ASB1: variants seen among roughly 807,000 people sequenced by gnomAD.
ASB1 encodes ankyrin repeat and SOCS box containing 1.
Under a neutral mutation model 27.7 loss-of-function variants are expected in ASB1, and 18 were observed. The ratio of observed to expected loss-of-function variants is 0.65; its 90% CI spans 0.45 to 0.96. ASB1 has a LOEUF of 0.96. ASB1 is among the 50% of genes least tolerant of loss of function. ASB1 has a pLI of 0.00. For missense variants in ASB1, 397 were observed against 451.7 expected, an observed-to-expected ratio of 0.88 and a Z score of 1.10; for synonymous variants, 189 against 187.6, an observed-to-expected ratio of 1.01 and a Z score of -0.06.
At position 238,435,957 on chromosome 2, in the gene ASB1, C is replaced by T; in HGVS notation, c.438C>T (p.Thr146=). The change falls in exon 3 of 5, where the codon ACC becomes ACT. Residue 146 remains threonine, a synonymous_variant. Transcript: ENST00000264607. Reference sequence around the variant, plus strand: ...ACGGAAGCCGGCACCATCGCAGCACCCCTGTCTACCACGCCTCTCGCGTGG... The same window carrying T: ...ACGGAAGCCGGCACCATCGCAGCACTCCTGTCTACCACGCCTCTCGCGTGG... The part of the protein sequence containing the change: ...DPNGSRHHRS[T]PVYHASRVGR... The T allele has an allele frequency of 6.2e-7, 1 of 1,614,134 alleles. No homozygotes were observed.
Position 238,448,782 on chromosome 2 carries a change from G to A in ASB1, c.*2271G>A, listed in dbSNP as rs367673856. The A allele has an allele frequency of 6.6e-6, 1 of 152,596 alleles. No individual in the cohort carries two copies. Among genetic ancestry groups the A allele is most frequent in the East Asian group, 1.9e-4 (1 of 5,192 alleles). The allele number at this position is 152,596 out of a possible 1,614,324, so 9.5% of individuals were successfully genotyped here. On this transcript the variant is annotated 3_prime_UTR_variant, in exon 5 of 5. Transcript: ENST00000264607. ...CAAGGACCCAGATGTGGCAGCATGGGCGTCATGCTCCTTTGCACAGCCCAG... is the reference window on the plus strand; with the variant it reads ...CAAGGACCCAGATGTGGCAGCATGGACGTCATGCTCCTTTGCACAGCCCAG...
At position 238,447,123 on chromosome 2, in the gene ASB1, C is replaced by T. The variant is rs566514638; in HGVS notation, c.*612C>T. ...GTTTCCTGGCTGCACGGCACCTGTT[C>T]CAACACCTACTGTGCCTCTCATCAG... On this transcript the variant is annotated 3_prime_UTR_variant, in exon 5 of 5. Coordinates refer to ENST00000264607, the MANE Select transcript of ASB1 (RefSeq NM_001040445.3). 1 of 154,186 alleles carries T rather than the reference C, an allele frequency of 6.5e-6. No homozygotes were observed. Among genetic ancestry groups the T allele is most frequent in the East Asian group, 1.9e-4 (1 of 5,172 alleles). The allele number at this position is 154,186 out of a possible 1,614,324, so 9.6% of individuals were successfully genotyped here. A position where few individuals can be genotyped will look rare whatever the true frequency, so the allele number is the denominator to read the frequency against.
intron 3 of ASB1, 146 bp downstream of exon 3, chr2:238,436,159 C>A: frequency 1.5e-6 from 1 of 650,372 alleles, no homozygotes; most frequent in South Asian, 3.2e-5. Context: ...TTGGCTTTAT[C>A]AGGTCTCTTT....
At chr2:238,433,468 G>A (rs1011637077) in intron 1 of ASB1, 86 bp from the exon 2 acceptor site, 1 of 1,517,330 alleles carries the variant, frequency 6.6e-7, no homozygotes, top group African/African-American at 1.4e-5. Context: ...GCTGGGAGAG[G>A]GAAGGCTCGC....
chr2:238,441,468 CT>C (rs891762661), intron 3 of ASB1, among the ~76,000 whole-genome samples: 3 of 152,174 alleles, frequency 2.0e-5, no homozygotes, highest in Non-Finnish European at 4.4e-5. Context: ...AGCTTGTATC[CT>C]TGTCTCCTTG....
At position 238,449,655 on chromosome 2, in the gene ASB1, T is replaced by C. The variant is rs1391119541; in HGVS notation, c.*3144T>C. On this transcript the variant is annotated 3_prime_UTR_variant, in exon 5 of 5. Transcript: ENST00000264607. The stretch of plus-strand genomic sequence containing the variant: ...TGCATCACTCGTGTTATTTATTTAT[T>C]TATTTATATTCTGCCTTGTTCCAGA... 1 of 152,220 alleles carries C rather than the reference T, an allele frequency of 6.6e-6. No individual in the cohort carries two copies. The highest frequency in any genetic ancestry group is 1.5e-5 in the Non-Finnish European group (1 of 68,040). The allele number at this position is 152,220 out of a possible 1,614,324, so 9.4% of individuals were successfully genotyped here.
intron 2 of ASB1, 67 bp from the exon 3 acceptor site, chr2:238,435,644 G>T: frequency 1.3e-6 from 2 of 1,488,720 alleles, no homozygotes; most frequent in Middle Eastern, 1.9e-4. Flanking sequence ...CCAGGGTGAG[G>T]GGGGCAGTGC....
intron 1 of ASB1, 103 bp downstream of exon 1, chr2:238,427,222 G>A (rs1260654013): frequency 1.1e-6 from 1 of 918,148 alleles, no homozygotes; most frequent in Non-Finnish European, 1.4e-6. Context: ...GGGCTGGCCG[G>A]GTCCACGGGG....
chr2:238,439,243 G>A lies in ASB1; in HGVS notation c.494+3230G>A, dbSNP rs193159106. ...GTCTTTGAGAGTGGGTGGTGTTTGT[G>A]TTTGTAGTGGAAGCTTCATTGTCAT... On this transcript the variant is annotated intron_variant, in intron 3 of 4. Coordinates refer to ENST00000264607, the MANE Select transcript of ASB1 (RefSeq NM_001040445.3). Among the ~76,000 whole-genome samples, 24 of 152,280 alleles carry A rather than the reference G, an allele frequency of 1.6e-4. 2 individuals carry two copies. Among genetic ancestry groups the A allele is most frequent in the Admixed American group, 1.5e-3 (23 of 15,288 alleles).
At chr2:238,434,021 C>G (rs1279908926) in intron 2 of ASB1, among the ~76,000 whole-genome samples, 1 of 152,214 alleles carries the variant, frequency 6.6e-6, no homozygotes, top group Admixed American at 6.5e-5. Flanking sequence ...GCGGCCCTGC[C>G]CCATCTTGGG....
At position 238,444,137 on chromosome 2, in the gene ASB1, G is replaced by A. The variant is rs558230122; in HGVS notation, c.495-205G>A. 4.6e-5 allele frequency among the ~76,000 whole-genome samples: 7 copies of A among 152,314 alleles called. No individual in the cohort carries two copies. In the East Asian group the frequency reaches 1.4e-3, roughly 29 times the overall value. ...AAGGACTTCCCTTAGGAATTTTTCTGTGTGCGGGGATTCCAAGTTCTTTCC... is the reference window on the plus strand; with the variant it reads ...AAGGACTTCCCTTAGGAATTTTTCTATGTGCGGGGATTCCAAGTTCTTTCC... On this transcript the variant is annotated intron_variant, in intron 3 of 4. Transcript: ENST00000264607.
At position 238,444,460 on chromosome 2, in the gene ASB1, C is replaced by T. The variant is rs751880368; in HGVS notation, c.613C>T (p.Leu205Phe). ...GTACATCAGCGCAGCCTACCACAAC[C>T]TCCAGTGCTTCCGGCTGCTCCTCCT... ...PLYISAAYHN[L>F]QCFRLLLLAG... The change falls in exon 4 of 5, where the codon CTC becomes TTC. Residue 205 changes from leucine to phenylalanine, a missense_variant. Leu to Phe is a conservative substitution (Grantham distance 22). Transcript: ENST00000264607. 6.2e-7 allele frequency: 1 copy of T among 1,614,240 alleles called. No homozygotes were observed. Among genetic ancestry groups the T allele is most frequent in the South Asian group, 1.1e-5 (1 of 91,088 alleles).
intron 1 of ASB1, among the ~76,000 whole-genome samples, chr2:238,431,417 C>T (rs536909509): frequency 1.3e-5 from 2 of 152,346 alleles, no homozygotes; most frequent in African/African-American, 2.4e-5. Flanking sequence ...CTGGTTTGAT[C>T]GTATCTCCAG....
At chr2:238,443,774 C>CA (rs1702123936) in intron 3 of ASB1, among the ~76,000 whole-genome samples, 1 of 149,066 alleles carries the variant, frequency 6.7e-6, no homozygotes, top group Non-Finnish European at 1.5e-5. Context: ...CAGAGATAAT[C>CA]AGAGGATTTC....
intron 3 of ASB1, among the ~76,000 whole-genome samples, chr2:238,442,823 A>G (rs1244354927): frequency 6.6e-6 from 1 of 152,218 alleles, no homozygotes; most frequent in Non-Finnish European, 1.5e-5. Flanking sequence ...TGTTTGAGAT[A>G]CTGCCTTTAT....
At chr2:238,442,287 T>A (rs987914857) in intron 3 of ASB1, among the ~76,000 whole-genome samples, 1 of 152,096 alleles carries the variant, frequency 6.6e-6, no homozygotes, top group African/African-American at 2.4e-5. Context: ...AATTTTTGTG[T>A]TTTTAGTAGA....
intron 4 of ASB1, 128 bp from the exon 5 acceptor site, chr2:238,446,256 C>CT: frequency 9.2e-7 from 1 of 1,086,018 alleles, no homozygotes; most frequent in African/African-American, 1.6e-5. Flanking sequence ...TTGTGTTTCA[C>CT]TGAGCGTTTT....
chr2:238,444,733 T>C lies in ASB1; in HGVS notation c.880+6T>C. Reference sequence around the variant, plus strand: ...GGTCTTTAAAGAGGCCAGAAGTAAGTGGCTTGAGTTCAGCTCTGACTTGTG... The same window carrying C: ...GGTCTTTAAAGAGGCCAGAAGTAAGCGGCTTGAGTTCAGCTCTGACTTGTG... On this transcript the variant is annotated splice_donor_region_variant and intron_variant, in intron 4 of 4. Coordinates refer to ENST00000264607, the MANE Select transcript of ASB1 (RefSeq NM_001040445.3). The C allele has an allele frequency of 6.3e-7, 1 of 1,598,274 alleles. No homozygotes were observed. Among genetic ancestry groups the C allele is most frequent in the Non-Finnish European group, 8.5e-7 (1 of 1,171,328 alleles).
At chr2:238,433,442 T>C (rs904331366) in intron 1 of ASB1, 112 bp from the exon 2 acceptor site, 2 of 1,302,942 alleles carry the variant, frequency 1.5e-6, no homozygotes, top group African/African-American at 2.9e-5. Context: ...TCTTGAGCAT[T>C]TGAAGGTGCC....
Sources: gnomAD v4.1 joint callset for allele counts (sites outside exome capture counted in the v4.1 genomes callset) on GRCh38, gnomAD v4.1.1 for gene constraint, MANE v1.5 for transcripts, NCBI Gene and HGNC (gene_info 2026-07-23, HGNC 2026-07-21) for gene names.